Variants in IDO1 observed in about 807,000 individuals in gnomAD.
IDO1 encodes indoleamine 2,3-dioxygenase 1.
Under a neutral mutation model 38.8 loss-of-function variants are expected in IDO1, and 35 were observed. The observed-to-expected ratio is 0.90, with a 90% CI of 0.69 to 1.20. The LOEUF is 1.20. Among genes scored for constraint, IDO1 ranks in the 50% most tolerant of loss-of-function variants. The pLI, the probability that IDO1 is intolerant of heterozygous loss-of-function variation, is 0.00. For synonymous variants in IDO1, 171 were observed against 170.0 expected, an observed-to-expected ratio of 1.01 and a Z score of -0.05; for missense variants, 509 against 485.1, an observed-to-expected ratio of 1.05 and a Z score of -0.46.
intron 4 of IDO1, among the ~76,000 whole-genome samples, chr8:39,919,819 G>A (rs1807245615): frequency 6.6e-6 from 1 of 152,106 alleles, no homozygotes; most frequent in African/African-American, 2.4e-5. Context: ...CAGCCTGGGT[G>A]ACAGAATGAG....
intron 8 of IDO1, 57 bp downstream of exon 8, chr8:39,924,829 A>C: frequency 7.8e-7 from 1 of 1,274,710 alleles, no homozygotes; most frequent in Non-Finnish European, 1.1e-6. Context: ...ACACCACCAA[A>C]TTCTCTTGGT....
chr8:39,917,883 A>T lies in IDO1; in HGVS notation c.96A>T (p.Leu32=). 2 of 1,597,394 alleles carry T rather than the reference A, an allele frequency of 1.3e-6. No individual in the cohort carries two copies. The highest frequency in any genetic ancestry group is 8.6e-7 in the Non-Finnish European group (1 of 1,168,158). The part of the protein sequence containing the change: ...GFALPNPQEN[L]PDFYNDWMFI... Reference sequence around the variant, plus strand: ...CTTTTTTTTTTTTCAAGGAAAATCTACCTGATTTTTATAATGACTGGATGT... The same window carrying T: ...CTTTTTTTTTTTTCAAGGAAAATCTTCCTGATTTTTATAATGACTGGATGT... The change falls in exon 2 of 10, where the codon CTA becomes CTT. Residue 32 remains leucine, a synonymous_variant. Coordinates refer to ENST00000518237, the MANE Select transcript of IDO1 (RefSeq NM_002164.6).
At position 39,918,343 on chromosome 8, in the gene IDO1, A is replaced by T. The variant is rs541049459; in HGVS notation, c.303+136A>T. On this transcript the variant is annotated intron_variant, in intron 3 of 9. Transcript: ENST00000518237. ...AGATAACACGACAAAATGATAAAGA[A>T]AATATGCCCTGGCTTGACATGTCCA... 69 of 768,966 alleles carry T rather than the reference A, an allele frequency of 9.0e-5. 1 individual carries two copies. Among genetic ancestry groups the T allele is most frequent in the Admixed American group, 4.8e-4 (17 of 35,310 alleles). The allele number at this position is 768,966 out of a possible 1,614,324, so 47.6% of individuals were successfully genotyped here. A position where few individuals can be genotyped will look rare whatever the true frequency, so the allele number is the denominator to read the frequency against.
At chr8:39,924,855 A>T in intron 8 of IDO1, 83 bp downstream of exon 8, 2 of 1,004,276 alleles carry the variant, frequency 2.0e-6, no homozygotes, top group Non-Finnish European at 3.1e-6. Context: ...CCTAATATCC[A>T]TTGGGTTTGG....
chr8:39,923,256 T>C (rs1490229289), intron 6 of IDO1, among the ~76,000 whole-genome samples: 1 of 151,886 alleles, frequency 6.6e-6, no homozygotes, highest in Admixed American at 6.6e-5. Context: ...ATATAAAAAT[T>C]AGCCGGGCAT....
chr8:39,927,025 G>A (rs757319553), intron 9 of IDO1, among the ~76,000 whole-genome samples: 6 of 152,086 alleles, frequency 3.9e-5, no homozygotes, highest in African/African-American at 7.2e-5. Context: ...GCTGTGAAGC[G>A]CTTGATTTCA....
chr8:39,925,708 A>G (rs1807349258), intron 9 of IDO1, among the ~76,000 whole-genome samples: 2 of 151,948 alleles, frequency 1.3e-5, no homozygotes, highest in Admixed American at 1.3e-4. Context: ...ACATGGTGAA[A>G]CCCGGTCTCT....
At chr8:39,924,665 G>T in intron 7 of IDO1, 56 bp from the exon 8 acceptor site, 1 of 1,267,548 alleles carries the variant, frequency 7.9e-7, no homozygotes, top group South Asian at 1.2e-5. Context: ...ACAACACCTT[G>T]ATTTCCCTGT....
chr8:39,924,748 G>C lies in IDO1; in HGVS notation c.683G>C (p.Ser228Thr). 1 of 1,610,604 alleles carries C rather than the reference G, an allele frequency of 6.2e-7. No individual in the cohort carries two copies. Among genetic ancestry groups the C allele is most frequent in the South Asian group, 1.1e-5 (1 of 90,764 alleles). Residue 228 changes from serine to threonine, a missense_variant, in exon 8 of 10, where the codon AGT becomes ACT. By Grantham distance (58) the Ser-to-Thr change is moderately conservative (BLOSUM62 1). Transcript: ENST00000518237. ...HDHVNPKAFF[S>T]VLRIYLSGWK... ...CATGTGAACCCAAAAGCATTTTTCA[G>C]TGTTCTTCGCATATATTTGTCTGGG... is the stretch of plus-strand genomic sequence containing the variant.
In IDO1 at chr8:39,918,922, G is replaced by T. The variant is rs767023043; in HGVS notation, c.411G>T (p.Lys137Asn). ...ADCVLANWKK[K>N]DPNKPLTYEN... ...GTGTCTTGGCAAACTGGAAGAAAAA[G>T]GATCCTAATAAGTATGTAAACAGTG... Residue 137 changes from lysine to asparagine, a missense_variant, in exon 4 of 10, where the codon AAG becomes AAT. Physicochemically the swap from Lys to Asn is moderately conservative, Grantham distance 94 (BLOSUM62 0). Transcript: ENST00000518237. 3.2e-6 allele frequency: 5 copies of T among 1,568,940 alleles called. No homozygotes were observed. The Admixed American group carries it at 5.0e-5, about 16-fold the overall frequency.
intron 1 of IDO1, 92 bp downstream of exon 1, chr8:39,914,101 T>C (rs1159436279): frequency 3.6e-6 from 3 of 825,364 alleles, no homozygotes; most frequent in African/African-American, 1.7e-5. Flanking sequence ...TGTGGTTCAG[T>C]AACTTCTAGT....
At position 39,923,552 on chromosome 8, in the gene IDO1, G is replaced by A. The variant is rs772198770; in HGVS notation, c.621G>A (p.Leu207=). 1.9e-6 allele frequency: 3 copies of A among 1,613,190 alleles called. 1 individual carries two copies. Among genetic ancestry groups the A allele is most frequent in the South Asian group, 2.2e-5 (2 of 91,042 alleles). ...CGCTGTTGGAAATAGCTTCTTGCTTGGAGAAAGCCCTTCAAGTGTTTCACC... is the reference window on the plus strand; with the variant it reads ...CGCTGTTGGAAATAGCTTCTTGCTTAGAGAAAGCCCTTCAAGTGTTTCACC... ...LKALLEIASC[L]EKALQVFHQI... The change falls in exon 7 of 10, where the codon TTG becomes TTA. Residue 207 remains leucine, a synonymous_variant. Coordinates refer to ENST00000518237, the MANE Select transcript of IDO1 (RefSeq NM_002164.6).
At chr8:39,919,990 C>A in intron 4 of IDO1, 110 bp from the exon 5 acceptor site, 1 of 935,460 alleles carries the variant, frequency 1.1e-6, no homozygotes, top group Non-Finnish European at 1.7e-6. Context: ...TATGTCTTAC[C>A]TCTGATAGTA....
chr8:39,928,019 T>A lies in IDO1; in HGVS notation c.1046T>A (p.Ile349Asn), dbSNP rs1563418402. Reference protein sequence around the residue: ...LVSLRSYHLQIVTKYILIPAS... With the variant: ...LVSLRSYHLQNVTKYILIPAS... ...TCCCTGAGGAGCTACCATCTGCAAA[T>A]CGTGACTAAGTACATCCTGATTCCT... is the stretch of plus-strand genomic sequence containing the variant. The change falls in exon 10 of 10, where the codon ATC becomes AAC. Residue 349 changes from isoleucine (I) to asparagine (N), a missense_variant. By Grantham distance (149) the Ile-to-Asn change is moderately radical (BLOSUM62 -3). Transcript: ENST00000518237. 3 of 1,607,252 alleles carry A rather than the reference T, an allele frequency of 1.9e-6. No individual in the cohort carries two copies. The highest frequency in any genetic ancestry group is 2.5e-6 in the Non-Finnish European group (3 of 1,176,772).
rs572347598 is a variant in IDO1, at chr8:39,922,425, A to C, written c.438-127A>C. 6 of 671,370 alleles carry C rather than the reference A, an allele frequency of 8.9e-6. No individual in the cohort carries two copies. The South Asian group carries it at 1.0e-4, about 11-fold the overall frequency. 41.6% of individuals were successfully genotyped at this position (671,370 alleles called of 1,614,324 possible). On this transcript the variant is annotated intron_variant, in intron 5 of 9. Transcript: ENST00000518237. ...CTTAATATTCCCAACTACATAATGG[A>C]GATAGTAAGGCCTGCCACACCTCTC...
rs1807196119 is a variant in IDO1, at chr8:39,917,765, GC to G, written c.88-108del. 5 of 699,794 alleles carry G rather than the reference GC, an allele frequency of 7.1e-6. No homozygotes were observed. The Admixed American group carries it at 1.2e-4, about 17-fold the overall frequency. 43.3% of individuals were successfully genotyped at this position (699,794 alleles called of 1,614,324 possible). A position where few individuals can be genotyped will look rare whatever the true frequency, so the allele number is the denominator to read the frequency against. On this transcript the variant is annotated intron_variant, in intron 1 of 9. Transcript: ENST00000518237. ...GTGTTTCCAGACAGGTAAGCCATATGCCAGGGCAACATTGCACAGAATGGAT... is the reference window on the plus strand; with the variant it reads ...GTGTTTCCAGACAGGTAAGCCATATGCAGGGCAACATTGCACAGAATGGAT...
intron 8 of IDO1, 68 bp from the exon 9 acceptor site, chr8:39,925,155 T>C (rs1807340205): frequency 7.0e-7 from 1 of 1,424,122 alleles, no homozygotes; most frequent in Non-Finnish European, 9.4e-7. Context: ...AGTGCAAGAT[T>C]TGGTACCTGA....
chr8:39,920,673 C>A (rs955270418), intron 5 of IDO1: 1 of 152,034 alleles, frequency 6.6e-6, no homozygotes, highest in Admixed American at 6.6e-5. Context: ...ACTAAAAATA[C>A]AAAAAATTAG....
chr8:39,927,411 T>A (rs896657846), intron 9 of IDO1, among the ~76,000 whole-genome samples: 23 of 151,646 alleles, frequency 1.5e-4, no homozygotes, highest in African/African-American at 5.6e-4. Context: ...AAATACAAAA[T>A]TAGCCGGGCA....
Sources: allele counts gnomAD v4.1 joint callset (sites outside exome capture counted in the v4.1 genomes callset), GRCh38; gene constraint gnomAD v4.1.1; transcripts MANE v1.5; gene names NCBI Gene and HGNC (gene_info 2026-07-23, HGNC 2026-07-21).